The following CSNK1G1 variants were observed in gnomAD, a reference collection of about 807,000 sequenced individuals.
CSNK1G1 encodes the protein casein kinase 1 gamma 1.
Under a neutral mutation model 59.6 loss-of-function variants are expected in CSNK1G1, and 22 were observed. That is an observed-to-expected ratio of 0.37 (90% CI 0.26 to 0.53). The LOEUF (loss-of-function observed/expected upper bound fraction) is 0.53. Ranked by LOEUF, CSNK1G1 falls within the 20% of genes least tolerant of loss-of-function variation. The pLI, the probability that CSNK1G1 is intolerant of heterozygous loss-of-function variation, is 0.89. For synonymous variants in CSNK1G1, 179 were observed against 177.1 expected (o/e 1.01, Z -0.08); for missense variants, 384 against 519.5 (o/e 0.74, Z 2.54).
intron 10 of CSNK1G1, among the ~76,000 whole-genome samples, chr15:64,191,951 G>A (rs954985796): frequency 2.6e-5 from 4 of 152,148 alleles, no homozygotes; most frequent in African/African-American, 9.7e-5. Context: ...AGTAGAAAGG[G>A]CCATTTGCAG....
chr15:64,177,508 A>T (rs959461823), intron 11 of CSNK1G1, among the ~76,000 whole-genome samples: 1 of 152,216 alleles, frequency 6.6e-6, no homozygotes. Flanking sequence ...CTAAGCCATG[A>T]GCTTCGGGAT....
chr15:64,172,538 C>A (rs1050535137), intron 11 of CSNK1G1, among the ~76,000 whole-genome samples: 2 of 152,168 alleles, frequency 1.3e-5, no homozygotes, highest in Non-Finnish European at 2.9e-5. Context: ...CTGTCCTCAC[C>A]CACCGAAGTA....
In CSNK1G1 at chr15:64,229,902, A is replaced by ATTTTTTTTTTTTTTTTTTTTTTTTTTTT. The variant is rs533868270; in HGVS notation, c.293-13217_293-13190dup. Among the ~76,000 whole-genome samples, 3 of 43,806 alleles carry ATTTTTTTTTTTTTTTTTTTTTTTTTTTT rather than the reference A, an allele frequency of 6.8e-5. 1 individual carries two copies. Among genetic ancestry groups the ATTTTTTTTTTTTTTTTTTTTTTTTTTTT allele is most frequent in the Non-Finnish European group, 1.2e-4 (3 of 24,790 alleles). The allele number at this position is 43,806 out of a possible 152,430, so 28.7% of individuals were successfully genotyped here. A position where few individuals can be genotyped will look rare whatever the true frequency, so the allele number is the denominator to read the frequency against. ...CCTATATTTTTGGGCATGTTTGTAA[A>ATTTTTTTTTTTTTTTTTTTTTTTTTTTT]TTTTTTTTTTTTTTTTTTTTTTTTT... On this transcript the variant is annotated intron_variant, in intron 4 of 11. Transcript: ENST00000303052.
At chr15:64,301,717 T>C (rs1011775879) in intron 1 of CSNK1G1, among the ~76,000 whole-genome samples, 17 of 152,092 alleles carry the variant, frequency 1.1e-4, no homozygotes, top group Non-Finnish European at 1.6e-4. Flanking sequence ...CAAAACCCTG[T>C]CTCTACTAAA....
At chr15:64,301,087 A>G (rs1347327778) in intron 1 of CSNK1G1, among the ~76,000 whole-genome samples, 1 of 152,200 alleles carries the variant, frequency 6.6e-6, no homozygotes, top group Non-Finnish European at 1.5e-5. Context: ...TTTAATTTTA[A>G]GCTCTTCCTT....
chr15:64,248,776 A>C (rs1891899461), intron 4 of CSNK1G1, among the ~76,000 whole-genome samples: 1 of 152,166 alleles, frequency 6.6e-6, no homozygotes, highest in African/African-American at 2.4e-5. Flanking sequence ...CGAGGTCAGG[A>C]GATCAAGACC....
intron 4 of CSNK1G1, among the ~76,000 whole-genome samples, chr15:64,239,737 C>G (rs1200101272): frequency 6.6e-6 from 1 of 152,020 alleles, no homozygotes; most frequent in Non-Finnish European, 1.5e-5. Context: ...ACAAGTAAGT[C>G]AACAAAACCA....
At chr15:64,293,973 T>A (rs1331636521) in intron 2 of CSNK1G1, among the ~76,000 whole-genome samples, 2 of 152,210 alleles carry the variant, frequency 1.3e-5, no homozygotes, top group Non-Finnish European at 2.9e-5. Context: ...ATAATTTTTG[T>A]GTATATTGAT....
At chr15:64,174,254 G>A (rs1267434247) in intron 11 of CSNK1G1, among the ~76,000 whole-genome samples, 6 of 152,222 alleles carry the variant, frequency 3.9e-5, no homozygotes, top group Admixed American at 3.9e-4. Flanking sequence ...TATCATAACT[G>A]GATGTGCAAT....
At chr15:64,287,280 G>C (rs1255395557) in intron 2 of CSNK1G1, among the ~76,000 whole-genome samples, 1 of 152,054 alleles carries the variant, frequency 6.6e-6, no homozygotes, top group African/African-American at 2.4e-5. Flanking sequence ...TTCCTTATAA[G>C]TCTAAAACTT....
rs143855452 is a variant in CSNK1G1 at position 64,180,373 on chromosome 15, C to T, written c.1189G>A (p.Glu397Lys). 1.3e-5 allele frequency: 21 copies of T among 1,614,094 alleles called. No homozygotes were observed. In the East Asian group the frequency reaches 3.1e-4, roughly 24 times the overall value. The stretch of plus-strand genomic sequence containing the variant: ...TTAGCTTCCTCCACTACCTCCACCT[C>T]GGCATGAGCTGTGATTGGTGCATTG... ...HSNAPITAHA[E>K]VEVVEEAKCC... Residue 397 changes from glutamate (E) to lysine (K), a missense_variant, in exon 11 of 12, where the codon GAG (glutamate) becomes AAG (lysine). Transcript: ENST00000303052.
rs1001442112 is a variant in CSNK1G1 at position 64,165,811 on chromosome 15, G to T, written c.*6120C>A. The T allele has an allele frequency of 2.0e-5, 8 of 404,662 alleles. No homozygotes were observed. The highest frequency in any genetic ancestry group is 2.2e-5 in the Non-Finnish European group (5 of 229,292). 25.1% of individuals were successfully genotyped at this position (404,662 alleles called of 1,614,324 possible). ...GTCCTTTCCTCCCCAAACTGGGGAA[G>T]AGGTATACTTAAAGATCACATTTGT... is the stretch of plus-strand genomic sequence containing the variant. On this transcript the variant is annotated 3_prime_UTR_variant, in exon 12 of 12. Coordinates refer to ENST00000303052, the MANE Select transcript of CSNK1G1 (RefSeq NM_022048.5).
chr15:64,336,231 A>T (rs1228231257), intron 1 of CSNK1G1, among the ~76,000 whole-genome samples: 1 of 142,114 alleles, frequency 7.0e-6, no homozygotes, highest in Non-Finnish European at 1.5e-5. Context: ...TTACTTGACA[A>T]ATTATCTTGA....
chr15:64,251,689 A>G (rs1198668539), intron 3 of CSNK1G1, 108 bp from the exon 4 acceptor site: 1 of 732,274 alleles, frequency 1.4e-6, no homozygotes, highest in Non-Finnish European at 2.4e-6. Context: ...TTTTAGAGAT[A>G]ATATCCATAT....
At chr15:64,241,452 C>A (rs990591244) in intron 4 of CSNK1G1, among the ~76,000 whole-genome samples, 3 of 152,092 alleles carry the variant, frequency 2.0e-5, no homozygotes, top group Admixed American at 6.5e-5. Context: ...CACTTTAGAC[C>A]AAATAGACCT....
chr15:64,284,524 T>C (rs967246007), intron 2 of CSNK1G1, among the ~76,000 whole-genome samples: 6 of 152,154 alleles, frequency 3.9e-5, no homozygotes, highest in Admixed American at 2.0e-4. Context: ...GTATAAATTT[T>C]GTACTCATTT....
intron 2 of CSNK1G1, among the ~76,000 whole-genome samples, chr15:64,270,125 T>C (rs1403790028): frequency 6.6e-6 from 1 of 152,242 alleles, no homozygotes; most frequent in African/African-American, 2.4e-5. Context: ...GCTGTTTGTA[T>C]TTCTGTGGGG....
chr15:64,227,401 G>A (rs2140285193), intron 4 of CSNK1G1, among the ~76,000 whole-genome samples: 1 of 152,224 alleles, frequency 6.6e-6, no homozygotes, highest in East Asian at 1.9e-4. Flanking sequence ...TTATCTTGCT[G>A]TTCCCATATG....
At chr15:64,280,656 C>T (rs1014238453) in intron 2 of CSNK1G1, among the ~76,000 whole-genome samples, 2 of 151,956 alleles carry the variant, frequency 1.3e-5, no homozygotes, top group Non-Finnish European at 2.9e-5. Context: ...CCACTGCGCC[C>T]GGCCCCTTTT....
Sources: gnomAD v4.1 joint callset for allele counts (sites outside exome capture counted in the v4.1 genomes callset) on GRCh38, gnomAD v4.1.1 for gene constraint, MANE v1.5 for transcripts, NCBI Gene and HGNC (gene_info 2026-07-23, HGNC 2026-07-21) for gene names.